The following NPL variants were observed in gnomAD, a reference collection of about 807,000 sequenced individuals.
The protein encoded by NPL is N-acetylneuraminate pyruvate lyase, also known as N-acetylneuraminate lyase.
In NPL, 32 loss-of-function variants were observed where a neutral mutation model predicts 41.1. That is an observed-to-expected ratio of 0.78 (90% CI 0.59 to 1.05). The LOEUF (loss-of-function observed/expected upper bound fraction) is 1.05, where lower values mean the gene tolerates loss of function less well. Among genes scored for constraint, NPL ranks in the 50% least tolerant of loss-of-function variants. The pLI is 0.00. For synonymous variants in NPL, 128 were observed against 134.9 expected, an observed-to-expected ratio of 0.95 and a Z score of 0.35; for missense variants, 321 against 378.4, an observed-to-expected ratio of 0.85 and a Z score of 1.26.
intron 5 of NPL, among the ~76,000 whole-genome samples, chr1:182,809,021 G>T (rs559872458): frequency 2.6e-5 from 4 of 151,434 alleles, no homozygotes; most frequent in African/African-American, 9.7e-5. Flanking sequence ...TGGATAGGGG[G>T]ATTTGGCTAG....
At chr1:182,811,029 T>C (rs1268933284) in intron 5 of NPL, among the ~76,000 whole-genome samples, 1 of 152,126 alleles carries the variant, frequency 6.6e-6, no homozygotes, top group African/African-American at 2.4e-5. Flanking sequence ...TGATTCACCA[T>C]TGGCATCTTG....
chr1:182,794,390 A>T lies in NPL; in HGVS notation c.19A>T (p.Lys7Ter). Residue 7 changes from lysine to a stop codon, truncating the protein, a stop_gained, in exon 3 of 13, where the codon AAA (lysine) becomes TAA (stop). Coordinates refer to ENST00000367553, the MANE Select transcript of NPL (RefSeq NM_030769.3). LOFTEE classifies it high-confidence loss of function. ...CAGCTCAATGGCCTTCCCAAAGAAG[A>T]AACTTCAGGGTCTTGTGGCTGCAAC... MAFPKK[K>*]LQGLVAATIT... 6.2e-7 allele frequency: 1 copy of T among 1,614,246 alleles called. No homozygotes were observed. Among genetic ancestry groups the T allele is most frequent in the Non-Finnish European group, 8.5e-7 (1 of 1,180,046 alleles).
intron 10 of NPL, among the ~76,000 whole-genome samples, chr1:182,819,655 G>A (rs1384600999): frequency 6.6e-6 from 1 of 152,002 alleles, no homozygotes; most frequent in African/African-American, 2.4e-5. Flanking sequence ...TCATTGTTTA[G>A]AAGCATCTGT....
Position 182,828,689 on chromosome 1 carries a change from C to A in NPL, c.779-35C>A. 1 of 1,613,862 alleles carries A rather than the reference C, an allele frequency of 6.2e-7. No individual in the cohort carries two copies. The highest frequency in any genetic ancestry group is 8.5e-7 in the Non-Finnish European group (1 of 1,179,892). ...GATTTTTGTGGAGAGATAGACGGTA[C>A]CAGTCATGTTTCCTCATTTGTTTTT... On this transcript the variant is annotated intron_variant, in intron 12 of 12. Transcript: ENST00000367553. The surrounding 1 kb of genome is among the most constrained non-coding windows in gnomAD (Gnocchi z 4.0).
At chr1:182,811,733 G>A (rs1667182058) in intron 5 of NPL, among the ~76,000 whole-genome samples, 1 of 152,134 alleles carries the variant, frequency 6.6e-6, no homozygotes, top group African/African-American at 2.4e-5. Context: ...TATTTCTGCT[G>A]TTGGTAACAT....
intron 6 of NPL, among the ~76,000 whole-genome samples, chr1:182,813,284 G>C (rs1248516440): frequency 6.6e-6 from 1 of 152,036 alleles, no homozygotes; most frequent in African/African-American, 2.4e-5. Context: ...GACTTTTTCT[G>C]GCCCAGCTTC....
At chr1:182,797,379 A>G (rs1379123139) in intron 3 of NPL, among the ~76,000 whole-genome samples, 1 of 152,206 alleles carries the variant, frequency 6.6e-6, no homozygotes, top group Non-Finnish European at 1.5e-5. Flanking sequence ...GCTGTATCAT[A>G]CTACAGATCA....
rs766603288 is a variant in NPL, at chr1:182,806,349, T to G, written c.230+117T>G. On this transcript the variant is annotated intron_variant, in intron 5 of 12. Coordinates refer to ENST00000367553, the MANE Select transcript of NPL (RefSeq NM_030769.3). ...GTCAGAGCCGGGGCTTGAGGTCAGC[T>G]GGTGGGAAGATGAGCAGGGCCCCCG... is the stretch of plus-strand genomic sequence containing the variant. 10 of 1,557,838 alleles carry G rather than the reference T, an allele frequency of 6.4e-6. No homozygotes were observed. In the South Asian group the frequency reaches 9.4e-5, roughly 15 times the overall value.
intron 12 of NPL, among the ~76,000 whole-genome samples, chr1:182,827,597 G>C (rs1667662736): frequency 6.6e-6 from 1 of 151,984 alleles, no homozygotes; most frequent in South Asian, 2.1e-4. Context: ...TGTTTTTACT[G>C]TTTGATTTCC....
chr1:182,806,346 A>C, intron 5 of NPL, 114 bp downstream of exon 5: 1 of 1,558,730 alleles, frequency 6.4e-7, no homozygotes, highest in Non-Finnish European at 8.7e-7. Context: ...GCTTGAGGTC[A>C]GCTGGTGGGA....
intron 12 of NPL, chr1:182,826,756 T>A (rs1253703909): frequency 6.6e-6 from 1 of 152,216 alleles, no homozygotes; most frequent in African/African-American, 2.4e-5. Context: ...AAAATAGGTA[T>A]TGAACTGTTA....
intron 9 of NPL, 42 bp downstream of exon 9, chr1:182,818,731 C>T (rs1473208223): frequency 6.2e-7 from 1 of 1,614,060 alleles, no homozygotes; most frequent in South Asian, 1.1e-5. Flanking sequence ...CAGTTCCCTC[C>T]AAAACAATTT....
chr1:182,796,713 T>G (rs967186212), intron 3 of NPL, among the ~76,000 whole-genome samples: 4 of 152,126 alleles, frequency 2.6e-5, no homozygotes, highest in African/African-American at 9.7e-5. Context: ...TAGTTAGCTC[T>G]CCGACCCTGG....
chr1:182,826,548 C>T (rs932627633), intron 12 of NPL: 1 of 152,274 alleles, frequency 6.6e-6, no homozygotes, highest in African/African-American at 2.4e-5. Context: ...TGTGTTATGC[C>T]CCTCATTCTT....
intron 8 of NPL, 27 bp from the exon 9 acceptor site, chr1:182,818,514 T>G (rs1667397306): frequency 1.9e-6 from 3 of 1,612,814 alleles, no homozygotes; most frequent in South Asian, 1.1e-5. Context: ...ATGTGCAGAT[T>G]AATGAGGCAC....
chr1:182,818,974 TC>T lies in NPL; in HGVS notation c.653+117del. ...TTTCTAATAGAAGTTTCCTTTCTTT[TC>T]CACATTCTTCCAGTGAAAGGGAATT... is the stretch of plus-strand genomic sequence containing the variant. On this transcript the variant is annotated intron_variant, in intron 10 of 12. Coordinates refer to ENST00000367553, the MANE Select transcript of NPL (RefSeq NM_030769.3). 5 of 906,412 alleles carry T rather than the reference TC, an allele frequency of 5.5e-6. No homozygotes were observed. In the Admixed American group the frequency reaches 9.0e-5, roughly 16 times the overall value. 56.1% of individuals were successfully genotyped at this position (906,412 alleles called of 1,614,324 possible).
At chr1:182,804,954 A>G (rs1666962827) in intron 4 of NPL, among the ~76,000 whole-genome samples, 1 of 152,184 alleles carries the variant, frequency 6.6e-6, no homozygotes, top group Non-Finnish European at 1.5e-5. Flanking sequence ...ACCAGAGTAT[A>G]CTTGAAGTCA....
In NPL at chr1:182,824,204, C is replaced by T. The variant is rs1003122422; in HGVS notation, c.739-1577C>T. 7.2e-5 allele frequency among the ~76,000 whole-genome samples: 11 copies of T among 152,266 alleles called. No individual in the cohort carries two copies. The East Asian group carries it at 1.7e-3, about 24-fold the overall frequency. On this transcript the variant is annotated intron_variant, in intron 11 of 12. Coordinates refer to ENST00000367553, the MANE Select transcript of NPL (RefSeq NM_030769.3). ...TCATCCATAAGGCAATGGTTAAATA[C>T]ATTTTATTATGCAATTGAATTATAT... is the stretch of plus-strand genomic sequence containing the variant.
rs1557955941 is a variant in NPL at position 182,828,783 on chromosome 1, C to G, written c.838C>G (p.Pro280Ala). 6.2e-7 allele frequency: 1 copy of G among 1,614,114 alleles called. No individual in the cohort carries two copies. Among genetic ancestry groups the G allele is most frequent in the Non-Finnish European group, 8.5e-7 (1 of 1,180,016 alleles). The change falls in exon 13 of 13, where the codon CCA (proline) becomes GCA (alanine). Residue 280 changes from proline (P) to alanine (A), a missense_variant. Coordinates refer to ENST00000367553, the MANE Select transcript of NPL (RefSeq NM_030769.3). The surrounding 1 kb of genome is among the most constrained non-coding windows in gnomAD (Gnocchi z 4.0). ...TCTGGTCTCTGGGATTCCAATGGGC[C>G]CACCCCGGCTTCCACTGCAGAAAGC... ...MTLVSGIPMG[P>A]PRLPLQKASR...
Sources: gnomAD v4.1 joint callset for allele counts (sites outside exome capture counted in the v4.1 genomes callset) on GRCh38, gnomAD v4.1.1 for gene constraint, Gnocchi (gnomAD v3.1) non-coding constraint, MANE v1.5 for transcripts, NCBI Gene and HGNC (gene_info 2026-07-23, HGNC 2026-07-21) for gene names.